The following PXK variants were observed in gnomAD, a reference collection of about 807,000 sequenced individuals.
PXK encodes the protein PX domain containing serine/threonine kinase like.
In PXK, 35 loss-of-function variants were observed where a neutral mutation model predicts 84.7. The observed-to-expected ratio is 0.41, with a 90% CI of 0.32 to 0.55. The LOEUF (loss-of-function observed/expected upper bound fraction) is 0.55. Ranked by LOEUF, PXK falls within the 20% of genes least tolerant of loss-of-function variation. PXK has a pLI of 0.21. For missense variants in PXK, 634 were observed against 699.7 expected (o/e 0.91, Z 1.06); for synonymous variants, 253 against 260.8 (o/e 0.97, Z 0.29).
intron 4 of PXK, among the ~76,000 whole-genome samples, chr3:58,386,854 G>A (rs960752884): frequency 1.3e-5 from 2 of 152,236 alleles, no homozygotes; most frequent in Non-Finnish European, 2.9e-5. Flanking sequence ...GAGTGCTGAA[G>A]TTCCCCTTTT....
chr3:58,422,601 C>G (rs1415007635), intron 17 of PXK: 1 of 985,278 alleles, frequency 1.0e-6, no homozygotes, highest in African/African-American at 1.7e-5. Context: ...TGTACTGAAC[C>G]CCACCCTCAA....
intron 13 of PXK, among the ~76,000 whole-genome samples, chr3:58,408,525 CTTTTT>C (rs10587686): frequency 4.9e-5 from 7 of 143,098 alleles, no homozygotes; most frequent in Non-Finnish European, 7.6e-5. Context: ...CCAAATGACT[CTTTTT>C]TTTTTTTTTT....
intron 1 of PXK, among the ~76,000 whole-genome samples, chr3:58,343,926 A>G (rs1192427701): frequency 1.3e-5 from 2 of 152,220 alleles, no homozygotes; most frequent in East Asian, 1.9e-4. Context: ...TGAAATTCCC[A>G]TAGAGTATAT....
chr3:58,421,683 C>A lies in PXK; in HGVS notation c.1529-3069C>A. ...CCTCCCTAGATCTGACCTACGCTCTCCCTGCAGCATTCTCTGCCCTCTGAC... is the reference window on the plus strand; with the variant it reads ...CCTCCCTAGATCTGACCTACGCTCTACCTGCAGCATTCTCTGCCCTCTGAC... On this transcript the variant is annotated intron_variant, in intron 17 of 17. Transcript: ENST00000356151. This position sits in a 1 kb window ranked among gnomAD's most constrained non-coding sequence, Gnocchi z 5.5. 5 of 988,286 alleles carry A rather than the reference C, an allele frequency of 5.1e-6. No individual in the cohort carries two copies. Among genetic ancestry groups the A allele is most frequent in the Non-Finnish European group, 6.0e-6 (5 of 830,302 alleles). The allele number at this position is 988,286 out of a possible 1,614,324, so 61.2% of individuals were successfully genotyped here.
rs1017052614 is a variant in PXK at position 58,409,841 on chromosome 3, G to T, written c.1395+223G>T. On this transcript the variant is annotated intron_variant, in intron 15 of 17. Transcript: ENST00000356151. The surrounding 1 kb of genome is among the most constrained non-coding windows in gnomAD (Gnocchi z 4.2). ...ATGTAGTTTCCTAGCTTGCTGGGCAGATTATGGCGTAATGTAATTGGAGGA... is the reference window on the plus strand; with the variant it reads ...ATGTAGTTTCCTAGCTTGCTGGGCATATTATGGCGTAATGTAATTGGAGGA... Among the ~76,000 whole-genome samples the T allele has an allele frequency of 6.6e-6, 1 of 152,178 alleles. No individual in the cohort carries two copies. The highest frequency in any genetic ancestry group is 1.5e-5 in the Non-Finnish European group (1 of 68,034).
chr3:58,358,905 C>T (rs572045240), intron 1 of PXK, among the ~76,000 whole-genome samples: 1 of 152,280 alleles, frequency 6.6e-6, no homozygotes, highest in Admixed American at 6.5e-5. Context: ...AATGCTTTCC[C>T]CAAACATTAT....
At chr3:58,369,528 A>G (rs1441145537) in intron 3 of PXK, 50 bp downstream of exon 3, 1 of 1,516,584 alleles carries the variant, frequency 6.6e-7, no homozygotes, top group Non-Finnish European at 9.1e-7. Flanking sequence ...TGGGGTGTCT[A>G]AAAAACTGGC....
intron 1 of PXK, among the ~76,000 whole-genome samples, chr3:58,335,231 G>A (rs2097573460): frequency 6.6e-6 from 1 of 152,112 alleles, no homozygotes; most frequent in Admixed American, 6.6e-5. Flanking sequence ...GGCAGTTCTT[G>A]TAGGGATGAC....
In PXK at chr3:58,426,087, AAAG is replaced by A. The variant is rs2062777815; in HGVS notation, c.*1130_*1132del. 6.6e-6 allele frequency: 1 copy of A among 152,226 alleles called. No individual in the cohort carries two copies. Among genetic ancestry groups the A allele is most frequent in the Non-Finnish European group, 1.5e-5 (1 of 68,036 alleles). The allele number at this position is 152,226 out of a possible 1,614,324, so 9.4% of individuals were successfully genotyped here. On this transcript the variant is annotated 3_prime_UTR_variant, in exon 18 of 18. Coordinates refer to ENST00000356151, the MANE Select transcript of PXK (RefSeq NM_017771.5). Reference sequence around the variant, plus strand: ...ACTTTTTGTAGCGTCTGTTGTTAGCAAAGAATAGATTCACACAGTCTAAGGTTT... The same window carrying A: ...ACTTTTTGTAGCGTCTGTTGTTAGCAAATAGATTCACACAGTCTAAGGTTT...
At chr3:58,355,300 G>A (rs2108180256) in intron 1 of PXK, among the ~76,000 whole-genome samples, 1 of 152,252 alleles carries the variant, frequency 6.6e-6, no homozygotes, top group Admixed American at 6.5e-5. Flanking sequence ...AGAGAGGTGG[G>A]AACACTGACA....
intron 9 of PXK, among the ~76,000 whole-genome samples, chr3:58,396,009 A>C (rs2057601557): frequency 6.6e-6 from 1 of 152,204 alleles, no homozygotes; most frequent in Non-Finnish European, 1.5e-5. Flanking sequence ...TACTGTGTGG[A>C]TACCAACTTT....
At chr3:58,352,261 A>T (rs1321197526) in intron 1 of PXK, among the ~76,000 whole-genome samples, 1 of 152,194 alleles carries the variant, frequency 6.6e-6, no homozygotes, top group African/African-American at 2.4e-5. Context: ...GGGAAGGTAG[A>T]GGAGACATGG....
intron 1 of PXK, among the ~76,000 whole-genome samples, chr3:58,358,671 C>T (rs1181403244): frequency 6.6e-6 from 1 of 152,152 alleles, no homozygotes; most frequent in African/African-American, 2.4e-5. Flanking sequence ...TAGCAGCATT[C>T]CTGGCCACTA....
At chr3:58,408,414 T>C (rs1305609664) in intron 13 of PXK, among the ~76,000 whole-genome samples, 1 of 152,364 alleles carries the variant, frequency 6.6e-6, no homozygotes, top group African/African-American at 2.4e-5. Flanking sequence ...TGTTTTAGTT[T>C]TATGTGTTCA....
chr3:58,397,503 CT>C lies in PXK; in HGVS notation c.985-101del. 1 of 1,010,928 alleles carries C rather than the reference CT, an allele frequency of 9.9e-7. No homozygotes were observed. The allele number at this position is 1,010,928 out of a possible 1,614,324, so 62.6% of individuals were successfully genotyped here. A position where few individuals can be genotyped will look rare whatever the true frequency, so the allele number is the denominator to read the frequency against. The stretch of plus-strand genomic sequence containing the variant: ...TTTACGTTACCAATTAGGAACGGGG[CT>C]ATCCCTGGGCTTTGTTTCTCAGAGA... On this transcript the variant is annotated intron_variant, in intron 10 of 17. Transcript: ENST00000356151. This position sits in a 1 kb window ranked among gnomAD's most constrained non-coding sequence, Gnocchi z 4.7.
rs567445668 is a variant in PXK at position 58,354,043 on chromosome 3, G to A, written c.103-11831G>A. On this transcript the variant is annotated intron_variant, in intron 1 of 17. Coordinates refer to ENST00000356151, the MANE Select transcript of PXK (RefSeq NM_017771.5). ...AAGTGCCAGGGGAGAAGTGAGTTTCGGAGTGAACCCAGAGGGGTGGTGTGG... is the reference window on the plus strand; with the variant it reads ...AAGTGCCAGGGGAGAAGTGAGTTTCAGAGTGAACCCAGAGGGGTGGTGTGG... Among the ~76,000 whole-genome samples, 14 of 152,266 alleles carry A rather than the reference G, an allele frequency of 9.2e-5. No individual in the cohort carries two copies. In the East Asian group the frequency reaches 9.7e-4, roughly 11 times the overall value.
At chr3:58,361,267 G>A (rs111381614) in intron 1 of PXK, among the ~76,000 whole-genome samples, 1,994 of 137,392 alleles carry the variant, frequency 0.015, 32 homozygotes, top group Non-Finnish European at 0.024. Flanking sequence ...CTGCACTCCA[G>A]CCTGGGTGAC....
At chr3:58,369,375 G>T (rs2098328808) in intron 2 of PXK, 56 bp from the exon 3 acceptor site, 3 of 1,369,588 alleles carry the variant, frequency 2.2e-6, no homozygotes, top group East Asian at 4.6e-5. Context: ...ATTAAATAAA[G>T]AAATGAAAAG....
At chr3:58,366,129 A>T (rs529687266) in intron 2 of PXK, among the ~76,000 whole-genome samples, 1 of 152,198 alleles carries the variant, frequency 6.6e-6, no homozygotes, top group South Asian at 2.1e-4. Flanking sequence ...ATTGTGTGTG[A>T]TTGATATTAC....
Sources: allele counts gnomAD v4.1 joint callset (sites outside exome capture counted in the v4.1 genomes callset), GRCh38; gene constraint gnomAD v4.1.1; non-coding constraint Gnocchi (gnomAD v3.1); transcripts MANE v1.5; gene names NCBI Gene and HGNC (gene_info 2026-07-23, HGNC 2026-07-21).